Variants in ADAMTS17 observed in about 807,000 individuals in gnomAD.
ADAMTS17 encodes the protein A disintegrin and metalloproteinase with thrombospondin motifs 17.
A neutral mutation model predicts 141.5 loss-of-function variants in ADAMTS17; 113 were observed. The observed-to-expected ratio is 0.80, with a 90% CI of 0.69 to 0.93. The LOEUF (loss-of-function observed/expected upper bound fraction) is 0.93. Ranked by LOEUF, ADAMTS17 falls within the 40% of genes least tolerant of loss-of-function variation. The pLI is 0.00. For missense variants in ADAMTS17, 1,659 were observed against 1,517.9 expected, an observed-to-expected ratio of 1.09 and a Z score of -1.54; for synonymous variants, 768 against 630.6, an observed-to-expected ratio of 1.22 and a Z score of -3.27.
rs185611109 is a variant in ADAMTS17, at chr15:100,234,371, T to A, written c.1075+19765A>T. ...CCCCAGGACACCGCCTGGCATATGG[T>A]AGTCCAGTCCTGATGCTACCAGTAA... On this transcript the variant is annotated intron_variant, in intron 7 of 21. Transcript: ENST00000268070. Among the ~76,000 whole-genome samples, 393 of 152,302 alleles carry A rather than the reference T, an allele frequency of 2.6e-3. 1 individual carries two copies. The highest frequency in any genetic ancestry group is 2.5e-3 in the Non-Finnish European group (171 of 68,024).
intron 4 of ADAMTS17, among the ~76,000 whole-genome samples, chr15:100,279,992 C>T (rs188483512): frequency 1.3e-5 from 2 of 151,928 alleles, no homozygotes; most frequent in South Asian, 4.2e-4. Flanking sequence ...GTTGCCCCAT[C>T]CCCCCCAGGG....
At chr15:100,116,564 G>A (rs1458317567) in intron 13 of ADAMTS17, among the ~76,000 whole-genome samples, 1 of 152,246 alleles carries the variant, frequency 6.6e-6, no homozygotes, top group Non-Finnish European at 1.5e-5. Context: ...ATGGCGCCAG[G>A]GGCAGGATGC....
intron 3 of ADAMTS17, among the ~76,000 whole-genome samples, chr15:100,315,323 T>C (rs1478920006): frequency 6.6e-6 from 1 of 152,022 alleles, no homozygotes; most frequent in East Asian, 1.9e-4. Context: ...CCCCCACCCT[T>C]CCCAGGGAAC....
chr15:100,240,487 TG>T (rs1467182537), intron 7 of ADAMTS17, among the ~76,000 whole-genome samples: 1 of 152,170 alleles, frequency 6.6e-6, no homozygotes, highest in Non-Finnish European at 1.5e-5. Flanking sequence ...GAGCAAGACA[TG>T]AATTTGTAAA....
At chr15:100,108,957 C>T in intron 14 of ADAMTS17, 32 bp downstream of exon 14, 1 of 1,612,476 alleles carries the variant, frequency 6.2e-7, no homozygotes, top group Non-Finnish European at 8.5e-7. Context: ...CTCTCCAAAG[C>T]CCCACCAAGG....
At chr15:100,326,149 GAAT>G (rs1372246593) in intron 3 of ADAMTS17, among the ~76,000 whole-genome samples, 5 of 152,256 alleles carry the variant, frequency 3.3e-5, no homozygotes, top group East Asian at 1.9e-4. Flanking sequence ...TCTCTTTGCG[GAAT>G]AATAATTCTT....
At chr15:100,045,907 G>C (rs1370391302) in intron 18 of ADAMTS17, among the ~76,000 whole-genome samples, 2 of 152,056 alleles carry the variant, frequency 1.3e-5, no homozygotes, top group East Asian at 3.9e-4. Context: ...TTGAGATGGA[G>C]TCTCACTCTG....
At chr15:100,160,581 G>A (rs2039644507) in intron 8 of ADAMTS17, among the ~76,000 whole-genome samples, 2 of 152,196 alleles carry the variant, frequency 1.3e-5, no homozygotes, top group African/African-American at 4.8e-5. Context: ...ACACAGGATG[G>A]TTACAAAAGC....
intron 3 of ADAMTS17, among the ~76,000 whole-genome samples, chr15:100,319,395 A>G (rs2045660276): frequency 6.6e-6 from 1 of 152,178 alleles, no homozygotes; most frequent in South Asian, 2.1e-4. Context: ...TGTGAAAGGG[A>G]GTGTGAGCTG....
At chr15:100,135,176 C>T (rs1240026217) in intron 10 of ADAMTS17, among the ~76,000 whole-genome samples, 1 of 152,014 alleles carries the variant, frequency 6.6e-6, no homozygotes, top group Non-Finnish European at 1.5e-5. Flanking sequence ...CTTTTCTAAC[C>T]ATCAAAGAAA....
At chr15:100,171,531 G>T (rs991770037) in intron 8 of ADAMTS17, among the ~76,000 whole-genome samples, 1 of 152,160 alleles carries the variant, frequency 6.6e-6, no homozygotes, top group Admixed American at 6.5e-5. Context: ...CAGTGCCTTT[G>T]CTCATGCCTT....
At chr15:100,108,545 G>A (rs575729652) in intron 14 of ADAMTS17, among the ~76,000 whole-genome samples, 4 of 152,250 alleles carry the variant, frequency 2.6e-5, no homozygotes, top group South Asian at 4.1e-4. Context: ...CAATGCCTTT[G>A]GGACTATATA....
At chr15:100,223,416 G>C (rs75866989) in intron 7 of ADAMTS17, among the ~76,000 whole-genome samples, 7,025 of 152,174 alleles carry the variant, frequency 0.046, 196 homozygotes, top group South Asian at 0.097. Flanking sequence ...TAACTAGTTT[G>C]CTACTTCTGC....
chr15:99,983,180 C>T (rs2060514683), intron 20 of ADAMTS17, among the ~76,000 whole-genome samples: 1 of 152,156 alleles, frequency 6.6e-6, no homozygotes, highest in Non-Finnish European at 1.5e-5. Context: ...CAGCAGGGCC[C>T]ACCACCTGCC....
chr15:100,089,533 A>G (rs928902034), intron 15 of ADAMTS17, among the ~76,000 whole-genome samples: 5 of 151,396 alleles, frequency 3.3e-5, no homozygotes, highest in African/African-American at 9.8e-5. Context: ...ACATGCACAC[A>G]TATGTTTATT....
intron 8 of ADAMTS17, among the ~76,000 whole-genome samples, chr15:100,185,881 C>G (rs956477841): frequency 1.3e-5 from 2 of 152,216 alleles, no homozygotes; most frequent in Non-Finnish European, 2.9e-5. Flanking sequence ...GCCACTTAAC[C>G]CCTGAAGGGC....
chr15:100,273,860 A>G (rs999598555), intron 4 of ADAMTS17, among the ~76,000 whole-genome samples: 1 of 152,172 alleles, frequency 6.6e-6, no homozygotes, highest in African/African-American at 2.4e-5. Context: ...TCCTTGTCCC[A>G]TAAGTTTTGA....
At chr15:100,130,101 A>G (rs2037958493) in intron 12 of ADAMTS17, among the ~76,000 whole-genome samples, 1 of 152,180 alleles carries the variant, frequency 6.6e-6, no homozygotes, top group Admixed American at 6.5e-5. Flanking sequence ...ATGGTGGCTC[A>G]CACCTGTAAT....
At chr15:100,104,274 C>T (rs2036292675) in intron 14 of ADAMTS17, among the ~76,000 whole-genome samples, 1 of 152,208 alleles carries the variant, frequency 6.6e-6, no homozygotes, top group Non-Finnish European at 1.5e-5. Context: ...TGATGGGACT[C>T]TTGATTTATA....
Sources: allele counts gnomAD v4.1 joint callset (sites outside exome capture counted in the v4.1 genomes callset), GRCh38; gene constraint gnomAD v4.1.1; transcripts MANE v1.5; gene names NCBI Gene and HGNC (gene_info 2026-07-23, HGNC 2026-07-21).